Variants in ARID1B observed in about 807,000 individuals in gnomAD.
ARID1B encodes AT-rich interactive domain-containing protein 1B.
Under a neutral mutation model 212.3 loss-of-function variants are expected in ARID1B, and 30 were observed. That is an observed-to-expected ratio of 0.14 (90% CI 0.11 to 0.19). ARID1B has a LOEUF of 0.19. Among genes scored for constraint, ARID1B ranks in the 10% least tolerant of loss-of-function variants. The pLI, the probability that ARID1B is intolerant of heterozygous loss-of-function variation, is 1.00. For missense variants in ARID1B, 2,891 were observed against 3,204.0 expected (o/e 0.90, Z 2.36); for synonymous variants, 1,402 against 1,301.7 (o/e 1.08, Z -1.66).
chr6:157,100,437 A>T (rs1315806984), intron 5 of ARID1B, among the ~76,000 whole-genome samples: 1 of 152,236 alleles, frequency 6.6e-6, no homozygotes, highest in Non-Finnish European at 1.5e-5. Flanking sequence ...TGCTTGGAGC[A>T]TATCGAAGTT....
intron 5 of ARID1B, among the ~76,000 whole-genome samples, chr6:157,088,597 A>T (rs1785097502): frequency 6.6e-6 from 1 of 152,192 alleles, no homozygotes; most frequent in Non-Finnish European, 1.5e-5. Flanking sequence ...TATGTTATAT[A>T]TTTGTGTGAT....
At chr6:157,065,233 CA>C (rs918427183) in intron 4 of ARID1B, among the ~76,000 whole-genome samples, 23 of 152,170 alleles carry the variant, frequency 1.5e-4, no homozygotes, top group Admixed American at 1.2e-3. Flanking sequence ...ATCTGAGAGA[CA>C]AATGAAAAAT....
intron 4 of ARID1B, among the ~76,000 whole-genome samples, chr6:157,048,106 C>T (rs1488253885): frequency 6.6e-6 from 1 of 152,214 alleles, no homozygotes; most frequent in East Asian, 1.9e-4. Context: ...CTTCCCTCCT[C>T]CTGCCTTAAA....
rs1444143519 is a variant in ARID1B, at chr6:157,207,651, C to A, written c.6879C>A (p.Ala2293=). Residue 2293 remains alanine (A), a synonymous_variant, in exon 20 of 20, where the codon GCC becomes GCA. Transcript: ENST00000636930. This position sits in a 1 kb window ranked among gnomAD's most constrained non-coding sequence, Gnocchi z 8.5. ...ISFLEDGVTM[A]QYQQSQHNLM... ...TCCTAGAGGATGGGGTCACGATGGC[C>A]CAGTACCAGCAGAGCCAGCACAACC... 6.2e-7 allele frequency: 1 copy of A among 1,613,872 alleles called. No individual in the cohort carries two copies. Among genetic ancestry groups the A allele is most frequent in the Non-Finnish European group, 8.5e-7 (1 of 1,179,926 alleles).
chr6:156,894,590 T>TATATACG (rs1788236289), intron 2 of ARID1B, among the ~76,000 whole-genome samples: 1 of 152,200 alleles, frequency 6.6e-6, no homozygotes, highest in African/African-American at 2.4e-5. Flanking sequence ...GTGGGGAGTT[T>TATATACG]TCACCACACT....
At chr6:156,897,666 A>AT (rs1219520361) in intron 2 of ARID1B, among the ~76,000 whole-genome samples, 2 of 151,878 alleles carry the variant, frequency 1.3e-5, no homozygotes, top group African/African-American at 2.4e-5. Flanking sequence ...AGGTTTTAAA[A>AT]AATATATATA....
At chr6:156,812,264 TG>T in intron 1 of ARID1B, among the ~76,000 whole-genome samples, 1 of 152,310 alleles carries the variant, frequency 6.6e-6, no homozygotes, top group South Asian at 2.1e-4. Context: ...CATGAGTAGC[TG>T]GGACTACAGG....
chr6:157,132,996 C>T (rs1166391319), intron 6 of ARID1B, 32 bp from the exon 7 acceptor site: 3 of 1,576,402 alleles, frequency 1.9e-6, no homozygotes, highest in East Asian at 4.5e-5. Context: ...GAAACACCTG[C>T]ATTTATATGT....
chr6:157,189,235 A>G (rs972594483), intron 13 of ARID1B, among the ~76,000 whole-genome samples: 2 of 152,208 alleles, frequency 1.3e-5, no homozygotes, highest in African/African-American at 4.8e-5. Flanking sequence ...ATGCACAAAA[A>G]TTTTCATCCC....
intron 2 of ARID1B, among the ~76,000 whole-genome samples, chr6:156,898,358 TG>T (rs1481682223): frequency 6.6e-6 from 1 of 152,108 alleles, no homozygotes; most frequent in African/African-American, 2.4e-5. Context: ...GTGTGGGCAG[TG>T]TGTGTGGGTG....
chr6:157,207,811 G>A lies in ARID1B; in HGVS notation c.7039G>A (p.Asp2347Asn). The change falls in exon 20 of 20, where the codon GAT (aspartate) becomes AAT (asparagine). Residue 2347 changes from aspartate (D) to asparagine (N), a missense_variant. By Grantham distance (23) the Asp-to-Asn change is conservative (BLOSUM62 1). This residue lies in a region of ARID1B where 187 missense variants were observed against 306.5 expected (regional missense o/e 0.61). Coordinates refer to ENST00000636930, the MANE Select transcript of ARID1B (RefSeq NM_001374828.1). The surrounding 1 kb of genome is among the most constrained non-coding windows in gnomAD (Gnocchi z 8.5). ...EFLLHEGRLL[D>N]ISISAVLNSL... is the part of the protein sequence containing the mutation. ...CCTTTTGCACGAGGGCCGGTTGCTG[G>A]ATATCTCGATATCAGCTGTCCTGAA... 1 of 1,542,132 alleles carries A rather than the reference G, an allele frequency of 6.5e-7. No individual in the cohort carries two copies. The highest frequency in any genetic ancestry group is 8.8e-7 in the Non-Finnish European group (1 of 1,141,600).
chr6:156,812,876 A>T (rs1229323418), intron 1 of ARID1B, among the ~76,000 whole-genome samples: 40 of 113,222 alleles, frequency 3.5e-4, no homozygotes, highest in African/African-American at 1.0e-3. Flanking sequence ...GGTATGTTAT[A>T]AAAAAAAAAA....
chr6:156,988,775 G>A (rs2128399396), intron 4 of ARID1B, among the ~76,000 whole-genome samples: 1 of 152,280 alleles, frequency 6.6e-6, no homozygotes. Context: ...GATAGGGAGG[G>A]ACATTGGTGC....
In ARID1B at chr6:157,206,197, T is replaced by C; in HGVS notation, c.5425T>C (p.Tyr1809His). The C allele has an allele frequency of 6.2e-7, 1 of 1,614,162 alleles. No homozygotes were observed. The highest frequency in any genetic ancestry group is 8.5e-7 in the Non-Finnish European group (1 of 1,180,034). Residue 1809 changes from tyrosine to histidine, a missense_variant, in exon 20 of 20, where the codon TAC (tyrosine) becomes CAC (histidine). Tyr to His is a moderately conservative substitution (Grantham distance 83). Coordinates refer to ENST00000636930, the MANE Select transcript of ARID1B (RefSeq NM_001374828.1). The surrounding 1 kb of genome is among the most constrained non-coding windows in gnomAD (Gnocchi z 6.8). ...TGGATTTCTCGAACTTTTAGTCGAG[T>C]ACTTTAGAAAATGCCTGATTGACAT... ...LSGFLELLVE[Y>H]FRKCLIDIFG...
At chr6:156,816,467 G>T (rs189419621) in intron 1 of ARID1B, among the ~76,000 whole-genome samples, 6 of 152,268 alleles carry the variant, frequency 3.9e-5, no homozygotes, top group Admixed American at 6.5e-5. Context: ...GAAAATTAGG[G>T]TGAGGAAAAA....
chr6:157,133,359 C>T, intron 7 of ARID1B, 152 bp downstream of exon 7: 1 of 820,052 alleles, frequency 1.2e-6, no homozygotes, highest in East Asian at 2.8e-5. Flanking sequence ...GCCCACAGTA[C>T]TTTAGCTGCC....
chr6:156,799,559 C>T (rs1240104322), intron 1 of ARID1B, among the ~76,000 whole-genome samples: 1 of 152,202 alleles, frequency 6.6e-6, no homozygotes, highest in Non-Finnish European at 1.5e-5. Context: ...TCACTGCATC[C>T]TCAGCTTCCC....
chr6:157,081,757 C>T (rs1441342673), intron 4 of ARID1B, among the ~76,000 whole-genome samples: 2 of 152,174 alleles, frequency 1.3e-5, no homozygotes, highest in African/African-American at 4.8e-5. Context: ...AACTTGTAGG[C>T]TGTGCAGAGA....
chr6:156,991,347 C>T (rs1778265957), intron 4 of ARID1B, among the ~76,000 whole-genome samples: 1 of 152,210 alleles, frequency 6.6e-6, no homozygotes, highest in Non-Finnish European at 1.5e-5. Context: ...TCTCTTGCCT[C>T]AGCCTCCCAA....
Sources: allele counts gnomAD v4.1 joint callset (sites outside exome capture counted in the v4.1 genomes callset), GRCh38; gene constraint gnomAD v4.1.1; regional missense constraint gnomAD v4.1.1; non-coding constraint Gnocchi (gnomAD v3.1); transcripts MANE v1.5; gene names NCBI Gene and HGNC (gene_info 2026-07-23, HGNC 2026-07-21).